Variants in KIAA1217 observed in about 807,000 individuals in gnomAD.
KIAA1217 encodes the protein KIAA1217, also known as sickle tail protein homolog.
KIAA1217 carries 88 observed loss-of-function variants against 163.9 expected under a neutral mutation model. That is an observed-to-expected ratio of 0.54 (90% CI 0.45 to 0.64). The LOEUF is 0.64. Ranked by LOEUF, KIAA1217 falls within the 30% of genes least tolerant of loss-of-function variation. The probability of loss-of-function intolerance (pLI) is 0.00; values close to 1 mark genes in which losing one functional copy is unlikely to be tolerated. For synonymous variants in KIAA1217, 903 were observed against 923.1 expected (o/e 0.98, Z 0.39); for missense variants, 2,372 against 2,475.0 (o/e 0.96, Z 0.88).
chr10:23,782,200 A>T (rs2130904846), intron 1 of KIAA1217, among the ~76,000 whole-genome samples: 1 of 152,292 alleles, frequency 6.6e-6, no homozygotes, highest in East Asian at 1.9e-4. Context: ...CATGAATATG[A>T]AATATCTTTC....
chr10:24,031,028 TG>T (rs931028055), intron 2 of KIAA1217, among the ~76,000 whole-genome samples: 5 of 152,334 alleles, frequency 3.3e-5, no homozygotes, highest in Middle Eastern at 3.4e-3. Context: ...TTTCATTTTT[TG>T]GGGGGTATAT....
chr10:24,506,886 A>C (rs529380233), intron 9 of KIAA1217, among the ~76,000 whole-genome samples: 8 of 152,360 alleles, frequency 5.3e-5, no homozygotes, highest in African/African-American at 1.9e-4. Context: ...AAAGAAGTAC[A>C]TCAATAAATG....
chr10:24,370,508 G>A (rs7918736), intron 2 of KIAA1217, among the ~76,000 whole-genome samples: 7,824 of 152,100 alleles, frequency 0.051, 531 homozygotes, highest in African/African-American at 0.15. Context: ...AACATTGTTC[G>A]TGCCTTTATA....
intron 2 of KIAA1217, among the ~76,000 whole-genome samples, chr10:24,308,701 A>G (rs1590822926): frequency 6.6e-6 from 1 of 152,218 alleles, no homozygotes; most frequent in Non-Finnish European, 1.5e-5. Context: ...CCTAAGAAGT[A>G]AGGCTCCAAC....
At chr10:24,133,701 C>T (rs1384536594) in intron 2 of KIAA1217, among the ~76,000 whole-genome samples, 1 of 152,072 alleles carries the variant, frequency 6.6e-6, no homozygotes, top group African/African-American at 2.4e-5. Flanking sequence ...AAGAGACAGC[C>T]AAACATATTC....
At chr10:24,287,137 A>C (rs569950866) in intron 2 of KIAA1217, among the ~76,000 whole-genome samples, 1 of 149,650 alleles carries the variant, frequency 6.7e-6, no homozygotes, top group Admixed American at 6.6e-5. Flanking sequence ...TGCAACCTCC[A>C]CCTCCTGGGT....
intron 2 of KIAA1217, among the ~76,000 whole-genome samples, chr10:24,146,507 G>A (rs1017826416): frequency 6.6e-6 from 1 of 152,102 alleles, no homozygotes; most frequent in African/African-American, 2.4e-5. Context: ...GCAACATGAC[G>A]AAACCCCAGC....
intron 1 of KIAA1217, among the ~76,000 whole-genome samples, chr10:23,893,071 A>T (rs970881508): frequency 6.6e-6 from 1 of 152,062 alleles, no homozygotes; most frequent in Non-Finnish European, 1.5e-5. Flanking sequence ...GAATGGTACC[A>T]GTTCCTCCTT....
At chr10:23,958,357 A>G (rs1313866894) in intron 1 of KIAA1217, among the ~76,000 whole-genome samples, 1 of 152,208 alleles carries the variant, frequency 6.6e-6, no homozygotes, top group Non-Finnish European at 1.5e-5. Flanking sequence ...AATTGGGGCA[A>G]GCACATAGAT....
At chr10:24,297,980 G>A (rs952147315) in intron 2 of KIAA1217, among the ~76,000 whole-genome samples, 11 of 151,568 alleles carry the variant, frequency 7.3e-5, no homozygotes, top group Admixed American at 5.3e-4. Flanking sequence ...TGTCACTTGA[G>A]GCCGTGACTT....
intron 1 of KIAA1217, among the ~76,000 whole-genome samples, chr10:23,731,092 G>T (rs1838449555): frequency 1.3e-5 from 2 of 152,102 alleles, no homozygotes. Flanking sequence ...TTTAATTTGG[G>T]AAGGAGAGCT....
chr10:24,164,726 C>T lies in KIAA1217; in HGVS notation c.-170-54900C>T, dbSNP rs150542105. Among the ~76,000 whole-genome samples the T allele has an allele frequency of 2.4e-3, 365 of 152,166 alleles. 3 individuals carry two copies. The highest frequency in any genetic ancestry group is 7.9e-3 in the African/African-American group (329 of 41,518). The stretch of plus-strand genomic sequence containing the variant: ...AGAACAAAGAGACTTGTGTATCCCA[C>T]GTAATTAAGATAACCCCCAACAATT... On this transcript the variant is annotated intron_variant, in intron 2 of 18. Transcript: ENST00000376462.
intron 1 of KIAA1217, among the ~76,000 whole-genome samples, chr10:23,856,704 C>A (rs1255215614): frequency 1.3e-5 from 2 of 152,256 alleles, no homozygotes; most frequent in Non-Finnish European, 2.9e-5. Context: ...CTAAGCAAAC[C>A]TGGGCAATGG....
intron 2 of KIAA1217, among the ~76,000 whole-genome samples, chr10:24,266,844 A>G (rs750196503): frequency 6.6e-6 from 1 of 152,182 alleles, no homozygotes; most frequent in Non-Finnish European, 1.5e-5. Flanking sequence ...CCCTTCCACG[A>G]TGTGGAAGCT....
At chr10:23,885,543 G>T (rs1841134770) in intron 1 of KIAA1217, among the ~76,000 whole-genome samples, 2 of 151,978 alleles carry the variant, frequency 1.3e-5, no homozygotes, top group Admixed American at 6.6e-5. Flanking sequence ...AATGACAAAT[G>T]CTCTTCTCTC....
intron 2 of KIAA1217, among the ~76,000 whole-genome samples, chr10:24,317,311 G>A (rs2043525187): frequency 6.6e-6 from 1 of 151,914 alleles, no homozygotes; most frequent in South Asian, 2.1e-4. Flanking sequence ...TTCAGCCAGG[G>A]TCCTGCTATG....
At chr10:24,475,702 C>T (rs2225460) in intron 6 of KIAA1217, among the ~76,000 whole-genome samples, 13,898 of 152,174 alleles carry the variant, frequency 0.091, 923 homozygotes, top group East Asian at 0.16. Context: ...GGACTCTTCC[C>T]GTCACTGCAG....
chr10:24,037,372 C>T (rs369127298), intron 2 of KIAA1217, among the ~76,000 whole-genome samples: 1 of 152,084 alleles, frequency 6.6e-6, no homozygotes, highest in East Asian at 1.9e-4. Flanking sequence ...TGCCTGTAAT[C>T]CCAGCTACTC....
At chr10:24,001,482 T>C (rs1396126290) in intron 1 of KIAA1217, among the ~76,000 whole-genome samples, 1 of 152,192 alleles carries the variant, frequency 6.6e-6, no homozygotes, top group African/African-American at 2.4e-5. Flanking sequence ...TACATGAAAA[T>C]ATTCTTAGCA....
Sources: gnomAD v4.1 joint callset for allele counts (sites outside exome capture counted in the v4.1 genomes callset) on GRCh38, gnomAD v4.1.1 for gene constraint, MANE v1.5 for transcripts, NCBI Gene and HGNC (gene_info 2026-07-23, HGNC 2026-07-21) for gene names.